Variants in MRAP2 observed in about 807,000 individuals in gnomAD.
MRAP2 encodes melanocortin 2 receptor accessory protein 2, also known as melanocortin-2 receptor accessory protein 2.
A neutral mutation model predicts 17.4 loss-of-function variants in MRAP2; 20 were observed. That is an observed-to-expected ratio of 1.15 (90% confidence interval 0.81 to 1.67). The LOEUF (loss-of-function observed/expected upper bound fraction) is 1.67, where lower values mean the gene tolerates loss of function less well. Ranked by LOEUF, MRAP2 falls within the 40% of genes most tolerant of loss-of-function variation. MRAP2 has a pLI of 0.00. For missense variants in MRAP2, 238 were observed against 240.0 expected (o/e 0.99, Z 0.05); for synonymous variants, 96 against 88.4 (o/e 1.09, Z -0.48).
intron 3 of MRAP2, among the ~76,000 whole-genome samples, chr6:84,079,200 T>A (rs1327919180): frequency 6.6e-6 from 1 of 152,170 alleles, no homozygotes; most frequent in Non-Finnish European, 1.5e-5. Flanking sequence ...TGTAGTATGT[T>A]CATACAATGG....
At chr6:84,059,535 G>A (rs1256009142) in intron 2 of MRAP2, among the ~76,000 whole-genome samples, 1 of 152,138 alleles carries the variant, frequency 6.6e-6, no homozygotes, top group Non-Finnish European at 1.5e-5. Context: ...AGGGTGAGTC[G>A]GATGGAGTAG....
downstream of MRAP2, among the ~76,000 whole-genome samples, chr6:84,094,065 T>C (rs2099502235): frequency 6.6e-6 from 1 of 152,214 alleles, no homozygotes; most frequent in Non-Finnish European, 1.5e-5. Flanking sequence ...CTCCTGGATA[T>C]ATCACAGAAA....
chr6:84,081,041 G>A (rs2129173941), intron 3 of MRAP2, among the ~76,000 whole-genome samples: 1 of 152,296 alleles, frequency 6.6e-6, no homozygotes, highest in African/African-American at 2.4e-5. Context: ...CATCCCATGG[G>A]TGGGTTGAAT....
At chr6:84,097,113 A>G in the MRAP2 span, among the ~76,000 whole-genome samples, 2 of 152,178 alleles carry the variant, frequency 1.3e-5, no homozygotes, top group African/African-American at 2.4e-5. Context: ...CATGCAGTGA[A>G]AAAGCCACAG....
the MRAP2 span, among the ~76,000 whole-genome samples, chr6:84,103,170 T>A: frequency 6.6e-6 from 1 of 152,108 alleles, no homozygotes; most frequent in East Asian, 1.9e-4. Context: ...TGGCAGAAAT[T>A]GGAAACAGAT....
At chr6:84,116,422 C>G in the MRAP2 span, among the ~76,000 whole-genome samples, 1 of 152,292 alleles carries the variant, frequency 6.6e-6, no homozygotes, top group Non-Finnish European at 1.5e-5. Flanking sequence ...GTAAGACATG[C>G]CTTTCACCTT....
At chr6:84,111,587 C>T in the MRAP2 span, among the ~76,000 whole-genome samples, 1 of 152,142 alleles carries the variant, frequency 6.6e-6, no homozygotes, top group Non-Finnish European at 1.5e-5. Context: ...TATTTGAATA[C>T]CGTTTATTTC....
the MRAP2 span, among the ~76,000 whole-genome samples, chr6:84,101,635 T>C: frequency 1.3e-5 from 2 of 152,218 alleles, no homozygotes; most frequent in East Asian, 3.8e-4. Context: ...AGCACTAATC[T>C]TTACTAAAGC....
chr6:84,043,784 G>T (rs1240900602), intron 1 of MRAP2, among the ~76,000 whole-genome samples: 1 of 152,094 alleles, frequency 6.6e-6, no homozygotes, highest in South Asian at 2.1e-4. Flanking sequence ...TTGAATTTTT[G>T]ACCTCTACTA....
intron 2 of MRAP2, 82 bp from the exon 3 acceptor site, chr6:84,062,811 C>G: frequency 6.3e-7 from 1 of 1,591,356 alleles, no homozygotes; most frequent in Non-Finnish European, 8.6e-7. Context: ...TGTACCAAAG[C>G]CTCTCCAAAA....
chr6:84,082,530 T>C (rs1029300913), intron 3 of MRAP2, among the ~76,000 whole-genome samples: 3 of 152,220 alleles, frequency 2.0e-5, no homozygotes, highest in African/African-American at 7.2e-5. Flanking sequence ...GATTCTTTCT[T>C]ATACGAAATT....
chr6:84,117,535 T>C, the MRAP2 span, among the ~76,000 whole-genome samples: 1 of 151,996 alleles, frequency 6.6e-6, no homozygotes, highest in African/African-American at 2.4e-5. Flanking sequence ...ACTACCTCAA[T>C]TTCAAAATGT....
the MRAP2 span, among the ~76,000 whole-genome samples, chr6:84,128,866 C>T: frequency 5.8e-3 from 885 of 151,646 alleles, 41 homozygotes; most frequent in Admixed American, 0.05. Context: ...CGACAGGCCC[C>T]GGTGTGTGAT....
At chr6:84,141,684 T>C in the MRAP2 span, among the ~76,000 whole-genome samples, 1 of 152,172 alleles carries the variant, frequency 6.6e-6, no homozygotes, top group Non-Finnish European at 1.5e-5. Flanking sequence ...CCGGGGTGTA[T>C]AGGTTACTTG....
At chr6:84,126,634 G>C in the MRAP2 span, 3 of 624,190 alleles carry the variant, frequency 4.8e-6, no homozygotes, top group Admixed American at 7.1e-5. Context: ...TGGATTGTTA[G>C]AGTAATTAAT....
chr6:84,059,931 T>C (rs929613581), intron 2 of MRAP2, among the ~76,000 whole-genome samples: 4 of 152,164 alleles, frequency 2.6e-5, no homozygotes, highest in Admixed American at 6.5e-5. Context: ...CCCATGAAAC[T>C]TACATGTGAA....
chr6:84,107,823 G>A, the MRAP2 span, among the ~76,000 whole-genome samples: 1 of 152,238 alleles, frequency 6.6e-6, no homozygotes, highest in Non-Finnish European at 1.5e-5. Flanking sequence ...GCTCCCAAGA[G>A]ATGTGTTAAT....
intron 3 of MRAP2, among the ~76,000 whole-genome samples, chr6:84,087,713 T>C (rs2099500855): frequency 6.6e-6 from 1 of 152,230 alleles, no homozygotes; most frequent in Non-Finnish European, 1.5e-5. Context: ...TAGTAGAATA[T>C]TGGATTCTTG....
rs564520823 is a variant in MRAP2, at chr6:84,051,102, A to T, written c.-7-4210A>T. On this transcript the variant is annotated intron_variant, in intron 1 of 3. Transcript: ENST00000257776. ...TGTTTACCCCTTAACATGGAAAAAA[A>T]GTGTCTAACTCCAAAGAAGCAGCCC... is the stretch of plus-strand genomic sequence containing the variant. Among the ~76,000 whole-genome samples the T allele has an allele frequency of 7.2e-5, 11 of 152,342 alleles. No homozygotes were observed. The South Asian group carries it at 1.0e-3, about 14-fold the overall frequency.
Sources: gnomAD v4.1 joint callset for allele counts (sites outside exome capture counted in the v4.1 genomes callset) on GRCh38, gnomAD v4.1.1 for gene constraint, MANE v1.5 for transcripts, NCBI Gene and HGNC (gene_info 2026-07-23, HGNC 2026-07-21) for gene names.